Variants in MED12L observed in about 807,000 individuals in gnomAD.
The protein encoded by MED12L is mediator of RNA polymerase II transcription subunit 12-like protein.
A neutral mutation model predicts 281.3 loss-of-function variants in MED12L; 60 were observed. The ratio of observed to expected loss-of-function variants is 0.21; its 90% CI spans 0.17 to 0.26. MED12L has a LOEUF of 0.26. MED12L is among the 10% of genes least tolerant of loss of function. MED12L has a pLI of 1.00. For missense variants in MED12L, 2,146 were observed against 2,680.9 expected, an observed-to-expected ratio of 0.80 and a Z score of 4.41; for synonymous variants, 974 against 987.2, an observed-to-expected ratio of 0.99 and a Z score of 0.25.
intron 16 of MED12L, among the ~76,000 whole-genome samples, chr3:151,281,199 C>T (rs945602169): frequency 7.5e-6 from 1 of 134,016 alleles, no homozygotes. Flanking sequence ...CCAGCCTGAC[C>T]GACATGGTGA....
intron 38 of MED12L, among the ~76,000 whole-genome samples, chr3:151,391,033 C>A (rs372604311): frequency 4.6e-4 from 70 of 152,242 alleles, no homozygotes; most frequent in African/African-American, 1.6e-3. Context: ...TATGCTAATA[C>A]CTATTCCCAT....
At chr3:151,366,510 C>A (rs973243281) in intron 23 of MED12L, among the ~76,000 whole-genome samples, 1 of 152,152 alleles carries the variant, frequency 6.6e-6, no homozygotes, top group African/African-American at 2.4e-5. Context: ...TGAAAAGATA[C>A]CCCTTGTATA....
intron 2 of MED12L, among the ~76,000 whole-genome samples, chr3:151,096,681 T>C (rs1323151330): frequency 6.6e-6 from 1 of 152,218 alleles, no homozygotes; most frequent in East Asian, 1.9e-4. Flanking sequence ...TGCATGTTTA[T>C]AGCTAGAAGG....
intron 16 of MED12L, among the ~76,000 whole-genome samples, chr3:151,224,934 G>C (rs978489015): frequency 2.0e-5 from 3 of 152,110 alleles, no homozygotes; most frequent in Non-Finnish European, 4.4e-5. Context: ...AAAGCCATCA[G>C]AACATGCTTA....
chr3:151,380,398 A>C (rs1712052541), intron 32 of MED12L, among the ~76,000 whole-genome samples, 174 bp downstream of exon 32: 1 of 152,100 alleles, frequency 6.6e-6, no homozygotes, highest in Non-Finnish European at 1.5e-5. Context: ...GGAGTTCGAG[A>C]CCAGCCTGGC....
rs916742337 is a variant in MED12L at position 151,220,099 on chromosome 3, C to T, written c.2250+26433C>T. 3.4e-5 allele frequency among the ~76,000 whole-genome samples: 5 copies of T among 147,710 alleles called. No homozygotes were observed. In the East Asian group the frequency reaches 9.8e-4, roughly 29 times the overall value. ...GTCCTATGCATTGTAAGATGTTTAG[C>T]AGCAGTTCTGACTTCTGCCTACTAG... is the stretch of plus-strand genomic sequence containing the variant. On this transcript the variant is annotated intron_variant, in intron 16 of 44. Coordinates refer to ENST00000687756, the MANE Select transcript of MED12L (RefSeq NM_001393769.1).
At chr3:151,402,661 A>G (rs1015769842) in intron 39 of MED12L, among the ~76,000 whole-genome samples, 1 of 151,994 alleles carries the variant, frequency 6.6e-6, no homozygotes, top group Non-Finnish European at 1.5e-5. Flanking sequence ...TATCTCCTCT[A>G]CTTCCTTTAT....
At chr3:151,373,493 C>T (rs1288542534) in intron 27 of MED12L, among the ~76,000 whole-genome samples, 1 of 151,952 alleles carries the variant, frequency 6.6e-6, no homozygotes, top group Non-Finnish European at 1.5e-5. Flanking sequence ...AACTCCCCCA[C>T]CCCTCATAAG....
At chr3:151,341,851 GT>G (rs1383306965) in intron 16 of MED12L, among the ~76,000 whole-genome samples, 1 of 151,682 alleles carries the variant, frequency 6.6e-6, no homozygotes, top group African/African-American at 2.4e-5. Flanking sequence ...TCTTGCGATA[GT>G]TTACTGAGAA....
rs191154972 is a variant in MED12L at position 151,261,278 on chromosome 3, A to G, written c.2250+67612A>G. 1.1e-4 allele frequency: 16 copies of G among 152,300 alleles called. No individual in the cohort carries two copies. The East Asian group carries it at 3.1e-3, about 29-fold the overall frequency. The allele number at this position is 152,300 out of a possible 1,614,324, so 9.4% of individuals were successfully genotyped here. On this transcript the variant is annotated intron_variant, in intron 16 of 44. Transcript: ENST00000687756. ...CCCCAAAAGGCAGAGGTGGAGATAC[A>G]TTCACAGCCACAGTTTTATCCTAAT...
chr3:151,409,826 C>T (rs572150185), intron 40 of MED12L, among the ~76,000 whole-genome samples: 265 of 152,138 alleles, frequency 1.7e-3, no homozygotes, highest in African/African-American at 5.8e-3. Context: ...ATTAGCCAGG[C>T]GTGGTGGCAT....
intron 16 of MED12L, among the ~76,000 whole-genome samples, chr3:151,218,324 A>G (rs1014735441): frequency 1.3e-5 from 2 of 152,184 alleles, no homozygotes; most frequent in Non-Finnish European, 2.9e-5. Context: ...AAAAAATTAA[A>G]AGATGAACAG....
chr3:151,353,913 G>C (rs561473624), intron 17 of MED12L, among the ~76,000 whole-genome samples: 1 of 151,770 alleles, frequency 6.6e-6, no homozygotes, highest in African/African-American at 2.4e-5. Flanking sequence ...AGGCCGAGGC[G>C]GGCGGATCAC....
rs553400887 is a variant in MED12L at position 151,434,956 on chromosome 3, G to A, written c.*2152G>A. 3.3e-5 allele frequency: 5 copies of A among 151,610 alleles called. No homozygotes were observed. Among genetic ancestry groups the A allele is most frequent in the Non-Finnish European group, 7.4e-5 (5 of 67,938 alleles). The allele number at this position is 151,610 out of a possible 1,614,324, so 9.4% of individuals were successfully genotyped here. ...CTCTAATTAATTCCACGATTCTATT[G>A]AAAGTTGAGGAATGCTGTTTTACCC... On this transcript the variant is annotated 3_prime_UTR_variant, in exon 45 of 45. Coordinates refer to ENST00000687756, the MANE Select transcript of MED12L (RefSeq NM_001393769.1).
intron 36 of MED12L, among the ~76,000 whole-genome samples, chr3:151,385,656 C>T (rs1226618574): frequency 1.3e-5 from 2 of 150,440 alleles, no homozygotes; most frequent in Non-Finnish European, 1.5e-5. Flanking sequence ...GTGCTAGGCT[C>T]ATGCCTGTGA....
chr3:151,377,469 C>T (rs6795716), intron 30 of MED12L, among the ~76,000 whole-genome samples: 7,620 of 152,200 alleles, frequency 0.05, 651 homozygotes, highest in African/African-American at 0.18. Flanking sequence ...ATATGGGAAA[C>T]GCTTTTTCCA....
At chr3:151,243,834 G>C (rs1734770741) in intron 16 of MED12L, among the ~76,000 whole-genome samples, 1 of 151,080 alleles carries the variant, frequency 6.6e-6, no homozygotes, top group South Asian at 2.1e-4. Context: ...ATTGGATAAA[G>C]AGTCAAGACC....
intron 43 of MED12L, among the ~76,000 whole-genome samples, chr3:151,418,526 AATTTG>A (rs1717882426): frequency 1.3e-5 from 2 of 152,214 alleles, no homozygotes; most frequent in East Asian, 1.9e-4. Flanking sequence ...AATGCTACTC[AATTTG>A]ATTTATCTGC....
chr3:151,173,206 T>C lies in MED12L; in HGVS notation c.1494+7224T>C, dbSNP rs139486001. Among the ~76,000 whole-genome samples the C allele has an allele frequency of 1.7e-3, 263 of 152,288 alleles. 1 individual carries two copies. Among genetic ancestry groups the C allele is most frequent in the African/African-American group, 5.8e-3 (240 of 41,574 alleles). ...TATTCTTTTTCTTACTTTCTCTTTTTAAAAAATCTTTTACTTTTTTGACAA... is the reference window on the plus strand; with the variant it reads ...TATTCTTTTTCTTACTTTCTCTTTTCAAAAAATCTTTTACTTTTTTGACAA... On this transcript the variant is annotated intron_variant, in intron 11 of 44. Coordinates refer to ENST00000687756, the MANE Select transcript of MED12L (RefSeq NM_001393769.1).
Sources: allele counts gnomAD v4.1 joint callset (sites outside exome capture counted in the v4.1 genomes callset), GRCh38; gene constraint gnomAD v4.1.1; transcripts MANE v1.5; gene names NCBI Gene and HGNC (gene_info 2026-07-23, HGNC 2026-07-21).